LRBA: variants seen among roughly 807,000 people sequenced by gnomAD.
LRBA encodes the protein LPS responsive beige-like anchor protein, also known as lipopolysaccharide-responsive and beige-like anchor protein.
LRBA carries 176 observed loss-of-function variants against 330.0 expected under a neutral mutation model. The ratio of observed to expected loss-of-function variants is 0.53; its 90% CI spans 0.47 to 0.60. LRBA has a LOEUF of 0.60. Among genes scored for constraint, LRBA ranks in the 20% least tolerant of loss-of-function variants. The probability of loss-of-function intolerance (pLI) is 0.00; values close to 1 mark genes in which losing one functional copy is unlikely to be tolerated. For synonymous variants in LRBA, 1,230 were observed against 1,193.0 expected (o/e 1.03, Z -0.64); for missense variants, 3,259 against 3,444.8 (o/e 0.95, Z 1.35).
In LRBA at chr4:150,746,227, C is replaced by A. The variant is rs183742877; in HGVS notation, c.5646-10861G>T. On this transcript the variant is annotated intron_variant, in intron 35 of 56. Coordinates refer to ENST00000651943, the MANE Select transcript of LRBA (RefSeq NM_001364905.1). The stretch of plus-strand genomic sequence containing the variant: ...ATTTTTAAATACTTAAGAAGTCATA[C>A]TATAATACTTGTATATTTTACTTAA... 1.0e-3 allele frequency among the ~76,000 whole-genome samples: 154 copies of A among 152,224 alleles called. 3 individuals carry two copies. Among genetic ancestry groups the A allele is most frequent in the African/African-American group, 3.6e-3 (151 of 41,552 alleles).
At position 150,487,845 on chromosome 4, in the gene LRBA, T is replaced by C. The variant is rs1293281879; in HGVS notation, c.6449-11A>G. The C allele has an allele frequency of 1.4e-5, 21 of 1,497,096 alleles. No individual in the cohort carries two copies. The highest frequency in any genetic ancestry group is 1.8e-5 in the Non-Finnish European group (20 of 1,085,588). The allele number at this position is 1,497,096 out of a possible 1,614,324, so 92.7% of individuals were successfully genotyped here. On this transcript the variant is annotated splice_polypyrimidine_tract_variant and intron_variant, in intron 41 of 56. Coordinates refer to ENST00000651943, the MANE Select transcript of LRBA (RefSeq NM_001364905.1). ...TGAACATCACAGCAACTACAACAGA[T>C]GATTTTTAAAAATTAGAACACAGTA...
intron 2 of LRBA, among the ~76,000 whole-genome samples, chr4:150,942,613 TTAGA>T (rs1166087456): frequency 6.6e-6 from 1 of 152,338 alleles, no homozygotes; most frequent in East Asian, 1.9e-4. Flanking sequence ...TCACTATTTC[TTAGA>T]ATGCACAGAA....
chr4:150,777,846 T>C (rs921428788), intron 34 of LRBA, among the ~76,000 whole-genome samples: 2 of 151,760 alleles, frequency 1.3e-5, no homozygotes. Flanking sequence ...GCATAGTGCA[T>C]GCCTGTAGTC....
chr4:150,692,028 T>C (rs988175415), intron 36 of LRBA, among the ~76,000 whole-genome samples: 1 of 152,112 alleles, frequency 6.6e-6, no homozygotes, highest in East Asian at 1.9e-4. Flanking sequence ...GATATGAGTA[T>C]ATGGAGAGGA....
intron 53 of LRBA, among the ~76,000 whole-genome samples, chr4:150,297,181 C>T (rs1276997341): frequency 6.6e-6 from 1 of 152,042 alleles, no homozygotes; most frequent in African/African-American, 2.4e-5. Flanking sequence ...CTGAATGGTA[C>T]AGTCATTTTT....
At chr4:150,945,917 G>A (rs573343775) in intron 2 of LRBA, among the ~76,000 whole-genome samples, 135 of 151,444 alleles carry the variant, frequency 8.9e-4, no homozygotes, top group African/African-American at 2.3e-3. Context: ...CTCCTGCCTC[G>A]GCCTCCCAAG....
At chr4:150,749,160 C>T (rs1263859767) in intron 35 of LRBA, among the ~76,000 whole-genome samples, 2 of 151,914 alleles carry the variant, frequency 1.3e-5, no homozygotes, top group Non-Finnish European at 2.9e-5. Context: ...CTATAAAACT[C>T]CTAAAAGAAA....
At chr4:150,270,451 G>A (rs1297357938) in intron 56 of LRBA, among the ~76,000 whole-genome samples, 1 of 152,176 alleles carries the variant, frequency 6.6e-6, no homozygotes, top group Non-Finnish European at 1.5e-5. Flanking sequence ...AACAAATATT[G>A]TATGATTCCA....
At chr4:150,926,142 A>G (rs1344068659) in intron 4 of LRBA, among the ~76,000 whole-genome samples, 1 of 152,238 alleles carries the variant, frequency 6.6e-6, no homozygotes, top group African/African-American at 2.4e-5. Context: ...GAAGCTCCAG[A>G]AATCTGCATT....
At chr4:150,783,640 C>T in intron 34 of LRBA, among the ~76,000 whole-genome samples, 1 of 152,146 alleles carries the variant, frequency 6.6e-6, no homozygotes, top group East Asian at 1.9e-4. Flanking sequence ...ATCCAGTATT[C>T]AGGACCTTGG....
intron 37 of LRBA, among the ~76,000 whole-genome samples, chr4:150,663,987 A>G (rs780259570): frequency 6.6e-6 from 1 of 152,212 alleles, no homozygotes; most frequent in Non-Finnish European, 1.5e-5. Context: ...GAGAAAATAT[A>G]AAGAAAAAAT....
In LRBA at chr4:150,583,354, A is replaced by G; in HGVS notation, c.6330+4694T>C. The G allele has an allele frequency of 1.2e-6, 2 of 1,614,156 alleles. No homozygotes were observed. The highest frequency in any genetic ancestry group is 1.7e-6 in the Non-Finnish European group (2 of 1,180,028). The stretch of plus-strand genomic sequence containing the variant: ...CAAACTGAGCGATGGGCGGAAGCGG[A>G]GCATGTCTCTCTGGGTCGAGTTCAT... On this transcript the variant is annotated intron_variant, in intron 40 of 56. Coordinates refer to ENST00000651943, the MANE Select transcript of LRBA (RefSeq NM_001364905.1). This position sits in a 1 kb window ranked among gnomAD's most constrained non-coding sequence, Gnocchi z 9.8.
At chr4:150,873,322 G>A (rs1395277285) in intron 17 of LRBA, among the ~76,000 whole-genome samples, 6 of 152,136 alleles carry the variant, frequency 3.9e-5, no homozygotes, top group Non-Finnish European at 1.5e-5. Flanking sequence ...TGGATGCAGT[G>A]GCTCACGTCT....
chr4:150,839,687 T>C (rs1179193255), intron 28 of LRBA, among the ~76,000 whole-genome samples: 2 of 152,062 alleles, frequency 1.3e-5, no homozygotes, highest in African/African-American at 2.4e-5. Context: ...AATTGAACAA[T>C]GAGAACACTT....
At position 150,833,955 on chromosome 4, in the gene LRBA, TG is replaced by T. The variant is rs376678859; in HGVS notation, c.4570-1980del. 2.6e-5 allele frequency among the ~76,000 whole-genome samples: 4 copies of T among 152,336 alleles called. No homozygotes were observed. The East Asian group carries it at 7.7e-4, about 29-fold the overall frequency. On this transcript the variant is annotated intron_variant, in intron 28 of 56. Transcript: ENST00000651943. ...AACAATGTTCACAGTATCTTCATCA[TG>T]AATGGATTCCATTGTAGGAAACCAA...
chr4:150,761,842 C>T lies in LRBA; in HGVS notation c.5586G>A (p.Trp1862Ter), dbSNP rs1209551499. 10 of 1,519,226 alleles carry T rather than the reference C, an allele frequency of 6.6e-6. No individual in the cohort carries two copies. Among genetic ancestry groups the T allele is most frequent in the Non-Finnish European group, 7.9e-6 (9 of 1,135,406 alleles). 94.1% of individuals were successfully genotyped at this position (1,519,226 alleles called of 1,614,324 possible). Residue 1862 changes from tryptophan (W) to a stop codon, truncating the protein, a stop_gained, in exon 35 of 57, where the codon TGG (tryptophan) becomes TGA (stop). Coordinates refer to ENST00000651943, the MANE Select transcript of LRBA (RefSeq NM_001364905.1). LOFTEE classifies it high-confidence loss of function. Reference protein sequence around the residue: ...ELVMLLCSQEWQNSIQKNAGL... With the variant: ...ELVMLLCSQE ...CTGCATTCTTCTGAATAGAATTTTG[C>T]CACTCCTATAAAAAAAAAAGCAAAA...
At chr4:150,969,774 C>T (rs1484765893) in intron 2 of LRBA, among the ~76,000 whole-genome samples, 5 of 152,054 alleles carry the variant, frequency 3.3e-5, no homozygotes, top group Non-Finnish European at 7.4e-5. Flanking sequence ...CTGGCCAAAG[C>T]GGTTTCTTGA....
intron 35 of LRBA, among the ~76,000 whole-genome samples, chr4:150,742,006 A>T (rs1023465375): frequency 6.6e-6 from 1 of 152,064 alleles, no homozygotes; most frequent in African/African-American, 2.4e-5. Flanking sequence ...ACTTATAAAC[A>T]TATCAACAGA....
At chr4:150,517,403 C>G (rs13104084) in intron 40 of LRBA, among the ~76,000 whole-genome samples, 54,476 of 151,974 alleles carry the variant, frequency 0.36, 11,698 homozygotes, top group South Asian at 0.5. Flanking sequence ...CAGCCATAGT[C>G]CCAGCTACTC....
Sources: gnomAD v4.1 joint callset for allele counts (sites outside exome capture counted in the v4.1 genomes callset) on GRCh38, gnomAD v4.1.1 for gene constraint, Gnocchi (gnomAD v3.1) non-coding constraint, MANE v1.5 for transcripts, NCBI Gene and HGNC (gene_info 2026-07-23, HGNC 2026-07-21) for gene names.